The following NLRC5 variants were observed in gnomAD, a reference collection of about 807,000 sequenced individuals.
The protein encoded by NLRC5 is NLR family CARD domain containing 5, also known as protein NLRC5.
In NLRC5, 114 loss-of-function variants were observed where a neutral mutation model predicts 206.9. The ratio of observed to expected loss-of-function variants is 0.55; its 90% confidence interval spans 0.47 to 0.64. The LOEUF (loss-of-function observed/expected upper bound fraction) is 0.64, where lower values mean the gene tolerates loss of function less well. Among genes scored for constraint, NLRC5 ranks in the 30% least tolerant of loss-of-function variants. The pLI, the probability that NLRC5 is intolerant of heterozygous loss-of-function variation, is 0.00. For synonymous variants in NLRC5, 952 were observed against 962.8 expected, an observed-to-expected ratio of 0.99 and a Z score of 0.21; for missense variants, 2,008 against 2,305.5, an observed-to-expected ratio of 0.87 and a Z score of 2.64.
chr16:57,077,671 C>T (rs367643417), intron 41 of NLRC5, 48 bp from the exon 42 acceptor site: 15 of 1,516,106 alleles, frequency 9.9e-6, no homozygotes, highest in Middle Eastern at 1.8e-4. Context: ...GCTGGGGTGT[C>T]GGGGAGAGGG....
At chr16:57,043,857 A>C (rs1223673060) in intron 20 of NLRC5, 3 of 535,292 alleles carry the variant, frequency 5.6e-6, no homozygotes, top group African/African-American at 1.9e-5. Flanking sequence ...ACTCTGCCTC[A>C]CTCGTTCTTT....
In NLRC5 at chr16:57,061,411, G is replaced by A. The variant is rs1315355547; in HGVS notation, c.3987-37G>A. On this transcript the variant is annotated intron_variant, in intron 30 of 48. Coordinates refer to ENST00000688547, the MANE Select transcript of NLRC5 (RefSeq NM_001384950.1). ...TGAAGCTGAGCAGCAGTGCCCACAG[G>A]CCTCACCCAGGCTCTGCCCTGGCTT... is the stretch of plus-strand genomic sequence containing the variant. The A allele has an allele frequency of 1.9e-6, 3 of 1,595,448 alleles. 1 individual carries two copies. Among genetic ancestry groups the A allele is most frequent in the South Asian group, 2.2e-5 (2 of 90,544 alleles).
chr16:57,041,228 GCTCT>G (rs772988342), intron 17 of NLRC5: 3 of 499,840 alleles, frequency 6.0e-6, no homozygotes, highest in Non-Finnish European at 1.1e-5. Flanking sequence ...CCTCTGATCT[GCTCT>G]CTCTCTCTGA....
chr16:57,072,024 A>C (rs1200671993), intron 38 of NLRC5, among the ~76,000 whole-genome samples: 1 of 152,134 alleles, frequency 6.6e-6, no homozygotes, highest in Non-Finnish European at 1.5e-5. Flanking sequence ...GTCATAGGAA[A>C]CAGAATACAC....
rs746406632 is a variant in NLRC5 at position 57,028,314 on chromosome 16, T to C, written c.2172T>C (p.Ser724=). 4.6e-5 allele frequency: 75 copies of C among 1,613,942 alleles called. No individual in the cohort carries two copies. The highest frequency in any genetic ancestry group is 6.1e-5 in the Non-Finnish European group (72 of 1,179,958). ...GRLQMLGLAG[S]KITARGISHL... ...GCTTACTCTGTAGGTTAGCAGGAAGTAAAATCACTGCCCGAGGCATCAGCC... is the reference window on the plus strand; with the variant it reads ...GCTTACTCTGTAGGTTAGCAGGAAGCAAAATCACTGCCCGAGGCATCAGCC... Residue 724 remains serine, a synonymous_variant, in exon 8 of 49, where the codon AGT becomes AGC. Coordinates refer to ENST00000688547, the MANE Select transcript of NLRC5 (RefSeq NM_001384950.1).
chr16:57,019,380 G>T (rs982052831), intron 2 of NLRC5, among the ~76,000 whole-genome samples: 16 of 151,702 alleles, frequency 1.1e-4, no homozygotes, highest in African/African-American at 3.6e-4. Flanking sequence ...CTGGGTGACA[G>T]AGCGAGACTC....
In NLRC5 at chr16:57,077,907, G is replaced by A. The variant is rs1413449318; in HGVS notation, c.5004-36G>A. The A allele has an allele frequency of 1.9e-6, 3 of 1,611,380 alleles. No homozygotes were observed. The Admixed American group carries it at 5.0e-5, about 27-fold the overall frequency. ...CAGGGCGGGGGTCCCGAGTGGGCAG[G>A]CCCAGTACTCAATGCTCATTCCTCT... On this transcript the variant is annotated intron_variant, in intron 42 of 48. Coordinates refer to ENST00000688547, the MANE Select transcript of NLRC5 (RefSeq NM_001384950.1).
intron 1 of NLRC5, chr16:57,013,712 G>T (rs540597283): frequency 9.3e-6 from 7 of 752,994 alleles, no homozygotes; most frequent in South Asian, 1.5e-5. Context: ...CTCCTTTGGT[G>T]GTTGTGCCTG....
intron 1 of NLRC5, chr16:57,013,573 T>A: frequency 1.8e-6 from 2 of 1,099,732 alleles, no homozygotes; most frequent in Non-Finnish European, 1.4e-6. Context: ...GAATTTTAAG[T>A]ACCCAAAGTT....
At chr16:57,054,587 A>C (rs1198233839) in intron 24 of NLRC5, among the ~76,000 whole-genome samples, 164 bp from the exon 25 acceptor site, 1 of 151,908 alleles carries the variant, frequency 6.6e-6, no homozygotes, top group African/African-American at 2.4e-5. Flanking sequence ...CTCAAATCCA[A>C]ATCTGCCTGT....
At chr16:57,001,988 G>C (rs1293795350) in intron 1 of NLRC5, among the ~76,000 whole-genome samples, 1 of 151,374 alleles carries the variant, frequency 6.6e-6, no homozygotes, top group Admixed American at 6.6e-5. Flanking sequence ...CCACAAATAA[G>C]TGAGAACAAG....
chr16:57,030,446 G>GGATGGGTGGATGAAAA (rs2061712044), intron 10 of NLRC5, among the ~76,000 whole-genome samples: 6 of 95,990 alleles, frequency 6.3e-5, no homozygotes, highest in Non-Finnish European at 9.0e-5. Context: ...AAAGATGGAT[G>GGATGGGTGGATGAAAA]GATGGATGGA....
chr16:57,030,438 A>AGATGGATGGATGGGTGGATG (rs765082342), intron 10 of NLRC5, among the ~76,000 whole-genome samples: 1 of 89,642 alleles, frequency 1.1e-5, no homozygotes, highest in Non-Finnish European at 2.3e-5. Context: ...GTGGATGAAA[A>AGATGGATGGATGGGTGGATG]GATGGATGGA....
intron 1 of NLRC5, among the ~76,000 whole-genome samples, chr16:57,008,097 AT>A (rs1439119860): frequency 1.3e-4 from 20 of 151,060 alleles, no homozygotes; most frequent in African/African-American, 4.6e-4. Context: ...TCTGTAAAAT[AT>A]TTTTTTCAGC....
intron 1 of NLRC5, among the ~76,000 whole-genome samples, 173 bp downstream of exon 1, chr16:56,989,790 G>A (rs1259249270): frequency 5.9e-5 from 9 of 152,306 alleles, no homozygotes; most frequent in African/African-American, 2.2e-4. Flanking sequence ...AAGCGGACAG[G>A]GCGCCAGTGG....
intron 1 of NLRC5, among the ~76,000 whole-genome samples, chr16:57,010,882 A>T (rs2059409783): frequency 6.6e-6 from 1 of 151,194 alleles, no homozygotes; most frequent in Non-Finnish European, 1.5e-5. Context: ...TTTTTAATGT[A>T]AATGTTCTTG....
At chr16:57,079,457 C>G (rs2068853417) in intron 45 of NLRC5, 89 bp from the exon 46 acceptor site, 1 of 1,401,206 alleles carries the variant, frequency 7.1e-7, no homozygotes, top group East Asian at 2.3e-5. Context: ...CTAGCTTACC[C>G]CAGACCCTGG....
At chr16:57,027,171 T>C (rs2061342095) in intron 6 of NLRC5, among the ~76,000 whole-genome samples, 153 bp downstream of exon 6, 1 of 152,236 alleles carries the variant, frequency 6.6e-6, no homozygotes, top group Non-Finnish European at 1.5e-5. Context: ...GCTCCATACC[T>C]TGACAGGACC....
chr16:57,014,898 GC>G (rs2059875909), intron 1 of NLRC5, among the ~76,000 whole-genome samples: 1 of 150,718 alleles, frequency 6.6e-6, no homozygotes, highest in African/African-American at 2.4e-5. Context: ...AAAAGAAAGG[GC>G]AAGCGCTCTC....
Sources: allele counts gnomAD v4.1 joint callset (sites outside exome capture counted in the v4.1 genomes callset), GRCh38; gene constraint gnomAD v4.1.1; transcripts MANE v1.5; gene names NCBI Gene and HGNC (gene_info 2026-07-23, HGNC 2026-07-21).